The following SAMD3 variants were observed in gnomAD, a reference collection of about 807,000 sequenced individuals.
SAMD3 encodes sterile alpha motif domain containing 3.
A neutral mutation model predicts 58.5 loss-of-function variants in SAMD3; 63 were observed. The ratio of observed to expected loss-of-function variants is 1.08; its 90% CI spans 0.88 to 1.33. The LOEUF is 1.33. Among genes scored for constraint, SAMD3 ranks in the 40% most tolerant of loss-of-function variants. The probability of loss-of-function intolerance (pLI) is 0.00; values close to 1 mark genes in which losing one functional copy is unlikely to be tolerated. For synonymous variants in SAMD3, 220 were observed against 210.3 expected (o/e 1.05, Z -0.40); for missense variants, 604 against 608.4 (o/e 0.99, Z 0.08).
chr6:130,165,144 A>G (rs1790613872), intron 8 of SAMD3, among the ~76,000 whole-genome samples: 1 of 152,222 alleles, frequency 6.6e-6, no homozygotes, highest in East Asian at 1.9e-4. Flanking sequence ...AAGACAACAT[A>G]CATTGTAAGA....
intron 2 of SAMD3, among the ~76,000 whole-genome samples, chr6:130,299,170 T>G (rs1366981521): frequency 6.6e-6 from 1 of 152,106 alleles, no homozygotes; most frequent in Admixed American, 6.5e-5. Context: ...TTTTCTAATC[T>G]GTGCTATGAA....
chr6:130,303,363 AACT>A (rs1162715488), intron 2 of SAMD3, among the ~76,000 whole-genome samples: 33 of 152,304 alleles, frequency 2.2e-4, no homozygotes, highest in African/African-American at 6.5e-4. Flanking sequence ...TTGAGGTCTG[AACT>A]AAAGCAGCTA....
intron 4 of SAMD3, among the ~76,000 whole-genome samples, chr6:130,211,276 ATTTTTTTTT>A (rs762531402): frequency 1.1e-5 from 1 of 93,838 alleles, no homozygotes; most frequent in Non-Finnish European, 2.3e-5. Flanking sequence ...GCCAATCAGA[ATTTTTTTTT>A]TTTTTTTTTT....
intron 1 of SAMD3, among the ~76,000 whole-genome samples, chr6:130,218,231 A>T (rs911042742): frequency 2.0e-5 from 3 of 152,246 alleles, no homozygotes; most frequent in African/African-American, 4.8e-5. Context: ...GGGTCCTGCT[A>T]GTATATGCTT....
At chr6:130,364,914 C>A (rs928289500) in intron 1 of SAMD3, among the ~76,000 whole-genome samples, 2 of 121,812 alleles carry the variant, frequency 1.6e-5, no homozygotes, top group Non-Finnish European at 1.6e-5. Flanking sequence ...TATACCCCCC[C>A]AGAAGCAAAC....
chr6:130,227,645 G>T (rs935186225), upstream of SAMD3, among the ~76,000 whole-genome samples: 1 of 152,048 alleles, frequency 6.6e-6, no homozygotes, highest in East Asian at 1.9e-4. Context: ...AACATTAGCC[G>T]GGCATGGTGG....
intron 8 of SAMD3, among the ~76,000 whole-genome samples, chr6:130,157,948 A>C (rs1232487478): frequency 1.3e-5 from 2 of 149,846 alleles, no homozygotes; most frequent in Admixed American, 6.6e-5. Flanking sequence ...TATTTTGCAA[A>C]AAAAAAAAAT....
chr6:130,316,281 G>T (rs1409873524), intron 1 of SAMD3, among the ~76,000 whole-genome samples: 5 of 134,838 alleles, frequency 3.7e-5, no homozygotes, highest in Admixed American at 7.7e-5. Flanking sequence ...ACAGAGCAAG[G>T]CTGTCTTAAA....
chr6:130,176,147 T>C, intron 7 of SAMD3, 139 bp from the exon 8 acceptor site: 1 of 725,650 alleles, frequency 1.4e-6, no homozygotes, highest in East Asian at 2.7e-5. Context: ...AGAAACAATA[T>C]ATCTATCCTT....
At chr6:130,189,685 G>A (rs1793353236) in intron 5 of SAMD3, among the ~76,000 whole-genome samples, 1 of 152,168 alleles carries the variant, frequency 6.6e-6, no homozygotes, top group South Asian at 2.1e-4. Flanking sequence ...CCACTCAAAT[G>A]TGGACTGCTT....
intron 2 of SAMD3, among the ~76,000 whole-genome samples, chr6:130,268,689 G>T (rs575226387): frequency 1.8e-4 from 27 of 152,116 alleles, no homozygotes; most frequent in Non-Finnish European, 3.5e-4. Flanking sequence ...TGTTGTAAAG[G>T]TTTGTAGCCT....
intron 7 of SAMD3, among the ~76,000 whole-genome samples, chr6:130,177,981 C>CT (rs112360389): frequency 0.097 from 14,229 of 146,536 alleles, 1,059 homozygotes; most frequent in African/African-American, 0.21. Context: ...CTCAACCCTT[C>CT]TTTTTTTTTT....
chr6:130,166,909 G>A (rs1450554197), intron 8 of SAMD3, among the ~76,000 whole-genome samples: 3 of 152,210 alleles, frequency 2.0e-5, no homozygotes, highest in Non-Finnish European at 2.9e-5. Context: ...ATCTGCACTG[G>A]TGTGGGAGTG....
At chr6:130,224,870 G>T (rs991220204), upstream of SAMD3, among the ~76,000 whole-genome samples, 2 of 151,770 alleles carry the variant, frequency 1.3e-5, no homozygotes, top group Admixed American at 6.6e-5. Context: ...CGCCTGCCTC[G>T]GCCTCCTAAA....
intron 2 of SAMD3, among the ~76,000 whole-genome samples, chr6:130,255,402 C>G (rs1385811044): frequency 6.6e-6 from 1 of 152,106 alleles, no homozygotes; most frequent in Non-Finnish European, 1.5e-5. Context: ...GGTATTGAAG[C>G]CCCCTACTAT....
At chr6:130,314,789 T>C (rs531905342) in intron 1 of SAMD3, among the ~76,000 whole-genome samples, 31 of 152,278 alleles carry the variant, frequency 2.0e-4, no homozygotes, top group African/African-American at 7.5e-4. Flanking sequence ...ATAGATAAAA[T>C]AAACTAAGTG....
chr6:130,226,277 G>T (rs1010819915), upstream of SAMD3, among the ~76,000 whole-genome samples: 1 of 152,196 alleles, frequency 6.6e-6, no homozygotes, highest in African/African-American at 2.4e-5. Flanking sequence ...AGAACAAGGG[G>T]TGTACTTCAT....
At chr6:130,156,024 T>G (rs756480828) in intron 8 of SAMD3, among the ~76,000 whole-genome samples, 2 of 152,062 alleles carry the variant, frequency 1.3e-5, no homozygotes, top group Non-Finnish European at 2.9e-5. Flanking sequence ...AGTGTTCAAA[T>G]TTATGCAAAA....
At chr6:130,283,567 A>G (rs892424652) in intron 2 of SAMD3, among the ~76,000 whole-genome samples, 8 of 152,342 alleles carry the variant, frequency 5.3e-5, no homozygotes, top group African/African-American at 1.9e-4. Flanking sequence ...ATAGCAAGAA[A>G]AAAGGCTAAA....
Sources: gnomAD v4.1 joint callset for allele counts (sites outside exome capture counted in the v4.1 genomes callset) on GRCh38, gnomAD v4.1.1 for gene constraint, MANE v1.5 for transcripts, NCBI Gene and HGNC (gene_info 2026-07-23, HGNC 2026-07-21) for gene names.